The following DCAF15 variants were observed in gnomAD, a reference collection of about 807,000 sequenced individuals.
DCAF15 encodes the protein DDB1- and CUL4-associated factor 15.
A neutral mutation model predicts 68.0 loss-of-function variants in DCAF15; 24 were observed. The observed-to-expected ratio is 0.35, with a 90% CI of 0.26 to 0.50. DCAF15 has a LOEUF of 0.50. Ranked by LOEUF, DCAF15 falls within the 20% of genes least tolerant of loss-of-function variation. The probability of loss-of-function intolerance (pLI) is 0.98; values close to 1 mark genes in which losing one functional copy is unlikely to be tolerated. For synonymous variants in DCAF15, 376 were observed against 341.6 expected (o/e 1.10, Z -1.11); for missense variants, 627 against 830.6 (o/e 0.75, Z 3.01).
chr19:13,959,070 G>A lies in DCAF15; in HGVS notation c.810G>A (p.Leu270=), dbSNP rs1973479216. 1 of 1,610,286 alleles carries A rather than the reference G, an allele frequency of 6.2e-7. No individual in the cohort carries two copies. The highest frequency in any genetic ancestry group is 8.5e-7 in the Non-Finnish European group (1 of 1,178,382). ...SAGDRSFCQI[L]YDHSTCPLAP... Reference sequence around the variant, plus strand: ...GTGACAGGAGTTTCTGCCAAATCCTGTATGACCACAGCACCTGCCCCCTGG... The same window carrying A: ...GTGACAGGAGTTTCTGCCAAATCCTATATGACCACAGCACCTGCCCCCTGG... Residue 270 remains leucine (L), a synonymous_variant, in exon 7 of 13, where the codon CTG becomes CTA. Transcript: ENST00000254337.
Position 13,959,007 on chromosome 19 carries a change from C to T in DCAF15, c.785-38C>T, listed in dbSNP as rs375576479. The T allele has an allele frequency of 8.7e-5, 134 of 1,545,918 alleles. No homozygotes were observed. In the Admixed American group the frequency reaches 1.4e-3, roughly 16 times the overall value. Reference sequence around the variant, plus strand: ...GGGACACTGAGCGAGGCTGGGAGCACCCCAGACTGACACTTCTCCACCCCC... The same window carrying T: ...GGGACACTGAGCGAGGCTGGGAGCATCCCAGACTGACACTTCTCCACCCCC... On this transcript the variant is annotated intron_variant, in intron 6 of 12. Coordinates refer to ENST00000254337, the MANE Select transcript of DCAF15 (RefSeq NM_138353.4).
rs1380812506 is a variant in DCAF15, at chr19:13,953,488, T to G, written c.132+844T>G. 2.0e-5 allele frequency: 4 copies of G among 198,798 alleles called. No individual in the cohort carries two copies. The South Asian group carries it at 2.9e-4, about 14-fold the overall frequency. The allele number at this position is 198,798 out of a possible 1,614,324, so 12.3% of individuals were successfully genotyped here. On this transcript the variant is annotated intron_variant, in intron 1 of 12. Transcript: ENST00000254337. Reference sequence around the variant, plus strand: ...CTGGGCTTGGCTGTGGTTCCGCCCTTAGCTTGGAAGCTCCTTGGGCAGGGA... The same window carrying G: ...CTGGGCTTGGCTGTGGTTCCGCCCTGAGCTTGGAAGCTCCTTGGGCAGGGA...
intron 3 of DCAF15, among the ~76,000 whole-genome samples, chr19:13,955,355 A>C (rs1319121819): frequency 6.6e-6 from 1 of 152,230 alleles, no homozygotes; most frequent in Admixed American, 6.5e-5. Context: ...TGCGAGGTGG[A>C]GGTTGCAGTG....
Position 13,957,008 on chromosome 19 carries a change from G to A in DCAF15, c.784+486G>A, listed in dbSNP as rs150148651. Among the ~76,000 whole-genome samples, 644 of 152,324 alleles carry A rather than the reference G, an allele frequency of 4.2e-3. 2 individuals are homozygous for A. Among genetic ancestry groups the A allele is most frequent in the Middle Eastern group, 0.017 (5 of 294 alleles). The stretch of plus-strand genomic sequence containing the variant: ...TGACCTCAAGTGATCCACTCACCTT[G>A]GCCTCCCAAAGTGTTGGGATGACAG... On this transcript the variant is annotated intron_variant, in intron 6 of 12. Coordinates refer to ENST00000254337, the MANE Select transcript of DCAF15 (RefSeq NM_138353.4).
chr19:13,954,286 G>C, intron 1 of DCAF15, 54 bp from the exon 2 acceptor site: 1 of 1,502,166 alleles, frequency 6.7e-7, no homozygotes, highest in Non-Finnish European at 9.2e-7. Flanking sequence ...CCGTGGGTGA[G>C]GGGGCTGGGG....
chr19:13,960,645 A>AT (rs1178653337), intron 12 of DCAF15, 65 bp downstream of exon 12: 2 of 1,430,414 alleles, frequency 1.4e-6, no homozygotes, highest in Middle Eastern at 2.4e-4. Context: ...CCAGGAGCTG[A>AT]TTCCTGAGCG....
intron 12 of DCAF15, 106 bp downstream of exon 12, chr19:13,960,686 A>C: frequency 1.6e-6 from 2 of 1,221,804 alleles, no homozygotes; most frequent in Non-Finnish European, 2.3e-6. Flanking sequence ...GCTGGTGAGG[A>C]GAGGGCAGCC....
chr19:13,959,463 G>T lies in DCAF15; in HGVS notation c.1203G>T (p.Gly401=). Residue 401 remains glycine, a synonymous_variant, in exon 7 of 13, where the codon GGG becomes GGT. Transcript: ENST00000254337. ...ACTATGTGCTGGAGTCCGGAGAGGG[G>T]ACGGAGCCGGAGGATGGTGAGCGGG... The part of the protein sequence containing the change: ...KLYYVLESGE[G]TEPEDELEDD... 1 of 1,609,700 alleles carries T rather than the reference G, an allele frequency of 6.2e-7. No individual in the cohort carries two copies. Among genetic ancestry groups the T allele is most frequent in the Non-Finnish European group, 8.5e-7 (1 of 1,178,256 alleles).
rs758475115 is a variant in DCAF15, at chr19:13,959,137, C to T, written c.877C>T (p.Pro293Ser). 1.9e-6 allele frequency: 3 copies of T among 1,612,716 alleles called. No homozygotes were observed. In the Admixed American group the frequency reaches 5.0e-5, roughly 27 times the overall value. ...PPEPQSPELP[P>S]ALPSFCPEAA... Reference sequence around the variant, plus strand: ...TGAGCCCCAGAGCCCAGAGCTGCCCCCTGCCCTCCCCAGCTTCTGCCCTGA... The same window carrying T: ...TGAGCCCCAGAGCCCAGAGCTGCCCTCTGCCCTCCCCAGCTTCTGCCCTGA... The change falls in exon 7 of 13, where the codon CCT (proline) becomes TCT (serine). Residue 293 changes from proline (P) to serine (S), a missense_variant. Coordinates refer to ENST00000254337, the MANE Select transcript of DCAF15 (RefSeq NM_138353.4).
At chr19:13,955,276 C>T (rs766760496) in intron 3 of DCAF15, among the ~76,000 whole-genome samples, 1 of 151,816 alleles carries the variant, frequency 6.6e-6, no homozygotes, top group Admixed American at 6.6e-5. Context: ...CAAAATTAGC[C>T]GGGCATGGTG....
chr19:13,953,017 G>T (rs917281511), intron 1 of DCAF15: 5 of 1,319,250 alleles, frequency 3.8e-6, no homozygotes, highest in African/African-American at 1.5e-5. Context: ...GAACCTTCCC[G>T]CCCCCTTTGC....
intron 6 of DCAF15, among the ~76,000 whole-genome samples, chr19:13,957,555 C>G (rs982880615): frequency 2.0e-5 from 3 of 152,154 alleles, no homozygotes; most frequent in Non-Finnish European, 4.4e-5. Context: ...GTGTCAGATG[C>G]GTGCACATGT....
At position 13,961,333 on chromosome 19, in the gene DCAF15, G is replaced by T. The variant is rs1017249525; in HGVS notation, c.*338G>T. The T allele has an allele frequency of 2.1e-5, 8 of 376,784 alleles. No individual in the cohort carries two copies. In the East Asian group the frequency reaches 4.2e-4, roughly 20 times the overall value. The allele number at this position is 376,784 out of a possible 1,614,324, so 23.3% of individuals were successfully genotyped here. A position where few individuals can be genotyped will look rare whatever the true frequency, so the allele number is the denominator to read the frequency against. ...TGTGGACGTTGCCCTCGGGGAGGTCGAATGGACCCCATTCCCCCTGCCCTG... is the reference window on the plus strand; with the variant it reads ...TGTGGACGTTGCCCTCGGGGAGGTCTAATGGACCCCATTCCCCCTGCCCTG... On this transcript the variant is annotated 3_prime_UTR_variant, in exon 13 of 13. Transcript: ENST00000254337.
chr19:13,959,064 A>C lies in DCAF15; in HGVS notation c.804A>C (p.Gln268His). The C allele has an allele frequency of 6.2e-7, 1 of 1,606,858 alleles. No homozygotes were observed. The highest frequency in any genetic ancestry group is 8.5e-7 in the Non-Finnish European group (1 of 1,176,354). Residue 268 changes from glutamine (Q) to histidine (H), a missense_variant, in exon 7 of 13, where the codon CAA becomes CAC. Gln to His is a conservative substitution (Grantham distance 24, BLOSUM62 0). This residue lies in a region of DCAF15 where 273 missense variants were observed against 393.7 expected (regional missense o/e 0.69). Transcript: ENST00000254337. ...TCTTAGGTGACAGGAGTTTCTGCCAAATCCTGTATGACCACAGCACCTGCC... is the reference window on the plus strand; with the variant it reads ...TCTTAGGTGACAGGAGTTTCTGCCACATCCTGTATGACCACAGCACCTGCC... ...VHSAGDRSFC[Q>H]ILYDHSTCPL...
rs569207035 is a variant in DCAF15, at chr19:13,960,326, C to A, written c.1566C>A (p.Asp522Glu). ...ACACCAGCCTCAAGGTGGCATGGGA[C>A]CTCAACACAGGGATCTTCGAGACAG... ...TYHTSLKVAW[D>E]LNTGIFETVS... is the part of the protein sequence containing the mutation. Residue 522 changes from aspartate to glutamate, a missense_variant, in exon 11 of 13, where the codon GAC (aspartate) becomes GAA (glutamate). Around this residue, in one of 3 missense-constraint regions of DCAF15, gnomAD observed 118 missense variants for 211.8 expected, o/e 0.56. Transcript: ENST00000254337. 1 of 1,614,090 alleles carries A rather than the reference C, an allele frequency of 6.2e-7. No homozygotes were observed. The highest frequency in any genetic ancestry group is 2.2e-5 in the East Asian group (1 of 44,880).
chr19:13,952,817 C>T (rs1973128034), intron 1 of DCAF15, among the ~76,000 whole-genome samples, 173 bp downstream of exon 1: 1 of 117,344 alleles, frequency 8.5e-6, no homozygotes, highest in South Asian at 2.9e-4. Flanking sequence ...ATGGAGGGGG[C>T]TCAGTTGGGG....
Position 13,956,260 on chromosome 19 carries a change from C to T in DCAF15, c.611C>T (p.Pro204Leu). 6.2e-7 allele frequency: 1 copy of T among 1,612,364 alleles called. No individual in the cohort carries two copies. The highest frequency in any genetic ancestry group is 8.5e-7 in the Non-Finnish European group (1 of 1,179,658). Residue 204 changes from proline to leucine, a missense_variant and splice_region_variant, in exon 5 of 13, where the codon CCA (proline) becomes CTA (leucine). By Grantham distance (98) the Pro-to-Leu change is moderately conservative (BLOSUM62 -3). Transcript: ENST00000254337. ...TGCCAGGATGCCAGCCGAGCCCACC[C>T]AGGTGAGGGGGCCGAGGGGGCGAGG... The part of the protein sequence containing the change: ...AACQDASRAH[P>L]GDPNAQCLRH...
In DCAF15 at chr19:13,956,372, C is replaced by T. The variant is rs1973365685; in HGVS notation, c.634C>T (p.Leu212=). The T allele has an allele frequency of 6.2e-7, 1 of 1,613,744 alleles. No homozygotes were observed. The change falls in exon 6 of 13, where the codon CTA becomes TTA. Residue 212 remains leucine, a synonymous_variant. Transcript: ENST00000254337. ...TACAGGAGACCCGAATGCACAGTGC[C>T]TACGGCATGGCTTCATGCTGCACAC... ...AHPGDPNAQC[L]RHGFMLHTKY...
intron 1 of DCAF15, among the ~76,000 whole-genome samples, chr19:13,953,571 G>C (rs1208429094): frequency 6.6e-6 from 1 of 152,224 alleles, no homozygotes; most frequent in East Asian, 1.9e-4. Flanking sequence ...CCGTCAGACT[G>C]AGACCTCCAT....
Sources: gnomAD v4.1 joint callset for allele counts (sites outside exome capture counted in the v4.1 genomes callset) on GRCh38, gnomAD v4.1.1 for gene constraint, gnomAD v4.1.1 regional missense constraint, MANE v1.5 for transcripts, NCBI Gene and HGNC (gene_info 2026-07-23, HGNC 2026-07-21) for gene names.